MYH13: variants seen among roughly 807,000 people sequenced by gnomAD.
The protein encoded by MYH13 is myosin heavy chain 13.
Under a neutral mutation model 232.1 loss-of-function variants are expected in MYH13, and 177 were observed. The observed-to-expected ratio is 0.76, with a 90% CI of 0.67 to 0.86. The LOEUF (loss-of-function observed/expected upper bound fraction) is 0.86, where lower values mean the gene tolerates loss of function less well. Ranked by LOEUF, MYH13 falls within the 40% of genes least tolerant of loss-of-function variation. The probability of loss-of-function intolerance (pLI) is 0.00; values close to 1 mark genes in which losing one functional copy is unlikely to be tolerated. For synonymous variants in MYH13, 884 were observed against 923.5 expected (o/e 0.96, Z 0.78); for missense variants, 2,246 against 2,405.9 (o/e 0.93, Z 1.39).
At chr17:10,330,323 G>A (rs1597380689) in intron 21 of MYH13, 64 bp downstream of exon 21, 5 of 1,590,488 alleles carry the variant, frequency 3.1e-6, no homozygotes, top group Admixed American at 1.7e-5. Flanking sequence ...ACTAAAAGCA[G>A]GAAGTGACAA....
intron 8 of MYH13, among the ~76,000 whole-genome samples, chr17:10,355,790 C>T (rs1006597060): frequency 9.9e-5 from 14 of 141,984 alleles, no homozygotes; most frequent in African/African-American, 3.7e-4. Context: ...ATCTTCATAA[C>T]ACCTTTTAAT....
intron 8 of MYH13, among the ~76,000 whole-genome samples, chr17:10,355,437 G>A (rs1007019203): frequency 1.3e-5 from 2 of 152,104 alleles, no homozygotes; most frequent in African/African-American, 4.8e-5. Flanking sequence ...TCACTAACAT[G>A]TCTCTCAGTT....
chr17:10,345,611 G>A lies in MYH13; in HGVS notation c.1269C>T (p.Thr423=), dbSNP rs1268301901. 1 of 1,613,888 alleles carries A rather than the reference G, an allele frequency of 6.2e-7. No individual in the cohort carries two copies. The highest frequency in any genetic ancestry group is 1.3e-5 in the African/African-American group (1 of 74,854). The change falls in exon 14 of 41, where the codon ACC becomes ACT. Residue 423 remains threonine, a synonymous_variant. Transcript: ENST00000252172. ...VTKGQNVQQV[T]NSVGALAKAV... is the part of the protein sequence containing the mutation. ...CTTTGGCCAGAGCACCCACCGAATT[G>A]GTCACCTTGAAAAAGGATCACCCAC...
At chr17:10,346,336 G>T (rs2071666295) in intron 13 of MYH13, among the ~76,000 whole-genome samples, 1 of 152,124 alleles carries the variant, frequency 6.6e-6, no homozygotes, top group Non-Finnish European at 1.5e-5. Flanking sequence ...ATAAACTTGG[G>T]AGCTATGGGG....
chr17:10,323,792 AGAAGAAGAAGAAGAAGAAG>A (rs1907089554), intron 23 of MYH13, among the ~76,000 whole-genome samples: 1 of 59,558 alleles, frequency 1.7e-5, no homozygotes, highest in African/African-American at 6.2e-5. Context: ...AAAAAAAAGA[AGAAGAAGAAGAAGAAGAAG>A]AAGAAGAAGA....
chr17:10,354,338 T>C lies in MYH13; in HGVS notation c.1005+342A>G, dbSNP rs180722522. ...CATTTTTATATTTTCTAAATTTTCT[T>C]GAAGAACCATGTAGATGGTTTTGCA... On this transcript the variant is annotated intron_variant, in intron 11 of 40. Transcript: ENST00000252172. Among the ~76,000 whole-genome samples, 31 of 152,348 alleles carry C rather than the reference T, an allele frequency of 2.0e-4. No individual in the cohort carries two copies. The East Asian group carries it at 5.8e-3, about 28-fold the overall frequency.
chr17:10,350,435 G>T, intron 12 of MYH13, 121 bp downstream of exon 12: 1 of 1,419,630 alleles, frequency 7.0e-7, no homozygotes, highest in Non-Finnish European at 9.5e-7. Flanking sequence ...AGGAAACCCA[G>T]ATTTGATTTA....
intron 37 of MYH13, among the ~76,000 whole-genome samples, chr17:10,305,810 C>T (rs567704875): frequency 6.6e-6 from 1 of 152,284 alleles, no homozygotes; most frequent in African/African-American, 2.4e-5. Context: ...GATACGCTCC[C>T]AGATAAAGAA....
At chr17:10,317,781 G>A (rs967373971) in intron 27 of MYH13, 1 of 152,210 alleles carries the variant, frequency 6.6e-6, no homozygotes, top group Non-Finnish European at 1.5e-5. Flanking sequence ...CAAGGGAAGA[G>A]GAGCCATCAC....
At chr17:10,324,386 A>G in intron 22 of MYH13, 122 bp from the exon 23 acceptor site, 1 of 1,121,760 alleles carries the variant, frequency 8.9e-7, no homozygotes, top group Non-Finnish European at 1.3e-6. Flanking sequence ...ATGCACACAC[A>G]TGCACGCACA....
At position 10,309,606 on chromosome 17, in the gene MYH13, A is replaced by G. The variant is rs1439365046; in HGVS notation, c.4881T>C (p.Asn1627=). 1 of 1,613,318 alleles carries G rather than the reference A, an allele frequency of 6.2e-7. No individual in the cohort carries two copies. The highest frequency in any genetic ancestry group is 8.5e-7 in the Non-Finnish European group (1 of 1,179,748). Residue 1627 remains asparagine, a synonymous_variant, in exon 34 of 41, where the codon AAT becomes AAC. Coordinates refer to ENST00000252172, the MANE Select transcript of MYH13 (RefSeq NM_003802.3). ...AGTGGCCCAGCTGAATCTCCATCTC[A>G]TTAAGGTCTCCCTCCATCTTCTTCT... The part of the protein sequence containing the change: ...RLKKKMEGDL[N]EMEIQLGHSN...
intron 2 of MYH13, among the ~76,000 whole-genome samples, chr17:10,369,228 G>A (rs1296207896): frequency 6.6e-6 from 1 of 152,024 alleles, no homozygotes; most frequent in East Asian, 1.9e-4. Flanking sequence ...CCTCATTTCA[G>A]GGATAAATTT....
chr17:10,311,326 A>AT, intron 32 of MYH13, 99 bp from the exon 33 acceptor site: 4 of 1,444,036 alleles, frequency 2.8e-6, no homozygotes, highest in Non-Finnish European at 3.8e-6. Flanking sequence ...CATTCATGAC[A>AT]TTTATACAGG....
At chr17:10,331,998 C>T (rs551593237) in intron 20 of MYH13, 101 bp downstream of exon 20, 5 of 1,480,894 alleles carry the variant, frequency 3.4e-6, no homozygotes, top group East Asian at 2.3e-5. Context: ...CAAGGACGGT[C>T]AGGTGGACCA....
At chr17:10,323,465 G>C (rs1907053559) in intron 23 of MYH13, among the ~76,000 whole-genome samples, 1 of 151,916 alleles carries the variant, frequency 6.6e-6, no homozygotes, top group African/African-American at 2.4e-5. Context: ...AGCCAGGGAG[G>C]GTTGAGAAGA....
chr17:10,347,782 G>C (rs939013802), intron 12 of MYH13, among the ~76,000 whole-genome samples: 1 of 145,858 alleles, frequency 6.9e-6, no homozygotes, highest in African/African-American at 2.5e-5. Context: ...GCAGTGGCGC[G>C]ATCTCAGCTC....
At chr17:10,313,543 A>G (rs183827211) in intron 29 of MYH13, among the ~76,000 whole-genome samples, 189 bp from the exon 30 acceptor site, 5 of 152,262 alleles carry the variant, frequency 3.3e-5, no homozygotes, top group Non-Finnish European at 5.9e-5. Flanking sequence ...ATTTAAATAT[A>G]TTTAACAAAA....
At chr17:10,313,647 T>A (rs1243198737) in intron 29 of MYH13, among the ~76,000 whole-genome samples, 1 of 152,202 alleles carries the variant, frequency 6.6e-6, no homozygotes, top group Non-Finnish European at 1.5e-5. Context: ...AGCAATGTTA[T>A]CATGTCTAGC....
rs555493153 is a variant in MYH13, at chr17:10,355,135, G to T, written c.751C>A (p.Arg251=). 3 of 1,579,032 alleles carry T rather than the reference G, an allele frequency of 1.9e-6. No homozygotes were observed. The highest frequency in any genetic ancestry group is 1.3e-5 in the African/African-American group (1 of 74,382). The change falls in exon 9 of 41, where the codon CGG becomes AGG. Residue 251 remains arginine, a synonymous_variant. Transcript: ENST00000252172. The stretch of plus-strand genomic sequence containing the variant: ...TTTCCTGTGGCTCCAAAATGAATCC[G>T]AATGAACTTCCCCTGTCCAATAACA... The part of the protein sequence containing the change: ...DNSSRFGKFI[R]IHFGATGKLA...
Sources: allele counts gnomAD v4.1 joint callset (sites outside exome capture counted in the v4.1 genomes callset), GRCh38; gene constraint gnomAD v4.1.1; transcripts MANE v1.5; gene names NCBI Gene and HGNC (gene_info 2026-07-23, HGNC 2026-07-21).